Variants in CAMTA1 observed in about 807,000 individuals in gnomAD.
The protein encoded by CAMTA1 is calmodulin binding transcription activator 1.
Under a neutral mutation model 170.9 loss-of-function variants are expected in CAMTA1, and 27 were observed. That is an observed-to-expected ratio of 0.16 (90% confidence interval 0.12 to 0.22). CAMTA1 has a LOEUF of 0.22. Ranked by LOEUF, CAMTA1 falls within the 10% of genes least tolerant of loss-of-function variation. The pLI is 1.00. For synonymous variants in CAMTA1, 833 were observed against 891.5 expected, an observed-to-expected ratio of 0.93 and a Z score of 1.17; for missense variants, 1,619 against 2,217.2, an observed-to-expected ratio of 0.73 and a Z score of 5.42.
intron 5 of CAMTA1, among the ~76,000 whole-genome samples, chr1:7,419,137 C>A (rs2091394343): frequency 6.6e-6 from 1 of 152,162 alleles, no homozygotes; most frequent in Non-Finnish European, 1.5e-5. Flanking sequence ...CCTTCCCGAA[C>A]TTCTTCTTCT....
Position 7,428,706 on chromosome 1 carries a change from C to T in CAMTA1, c.439-39124C>T, listed in dbSNP as rs140815964. ...AGGATGACATCCCCTCTCCCTCATC[C>T]ATCACTCCTTCAAAGCCATGACTGC... On this transcript the variant is annotated intron_variant, in intron 5 of 22. Coordinates refer to ENST00000303635, the MANE Select transcript of CAMTA1 (RefSeq NM_015215.4). Among the ~76,000 whole-genome samples, 1,372 of 152,262 alleles carry T rather than the reference C, an allele frequency of 9.0e-3. 45 individuals carry two copies. Among genetic ancestry groups the T allele is most frequent in the Non-Finnish European group, 5.3e-3 (358 of 68,022 alleles).
At chr1:7,158,083 C>T (rs971964842) in intron 4 of CAMTA1, among the ~76,000 whole-genome samples, 24 of 152,082 alleles carry the variant, frequency 1.6e-4, no homozygotes, top group African/African-American at 5.6e-4. Context: ...GGCGTGAACC[C>T]GGAAGGCGGA....
At chr1:7,342,482 C>T (rs1254291434) in intron 5 of CAMTA1, among the ~76,000 whole-genome samples, 1 of 152,116 alleles carries the variant, frequency 6.6e-6, no homozygotes, top group Non-Finnish European at 1.5e-5. Context: ...AGGAGTGAGA[C>T]TGGGACTGAA....
intron 3 of CAMTA1, among the ~76,000 whole-genome samples, chr1:7,030,924 T>C (rs1455093013): frequency 1.3e-5 from 2 of 150,464 alleles, no homozygotes; most frequent in Non-Finnish European, 3.0e-5. Context: ...AAGCTCCGCC[T>C]CCCGGGTTCA....
intron 1 of CAMTA1, among the ~76,000 whole-genome samples, chr1:6,798,689 C>T (rs879716588): frequency 3.6e-5 from 5 of 137,220 alleles, no homozygotes; most frequent in African/African-American, 5.6e-5. Context: ...CTCCGCTTCC[C>T]GGGTTCACGC....
At chr1:7,235,352 C>T (rs1663622987) in intron 4 of CAMTA1, among the ~76,000 whole-genome samples, 2 of 152,114 alleles carry the variant, frequency 1.3e-5, no homozygotes, top group Non-Finnish European at 2.9e-5. Context: ...TGAGGCCGGG[C>T]GCATGGCTCA....
intron 5 of CAMTA1, among the ~76,000 whole-genome samples, chr1:7,437,781 T>A (rs1429586270): frequency 6.6e-6 from 1 of 152,044 alleles, no homozygotes; most frequent in Non-Finnish European, 1.5e-5. Flanking sequence ...GTGGGGTAAG[T>A]CCCGGGCCAG....
intron 4 of CAMTA1, among the ~76,000 whole-genome samples, chr1:7,243,353 G>A (rs1665225721): frequency 6.6e-6 from 1 of 152,066 alleles, no homozygotes; most frequent in Non-Finnish European, 1.5e-5. Flanking sequence ...GGGTTTTTAT[G>A]GTTTTAGGTC....
rs191276513 is a variant in CAMTA1, at chr1:7,735,953, A to G, written c.3067-391A>G. On this transcript the variant is annotated intron_variant, in intron 12 of 22. Coordinates refer to ENST00000303635, the MANE Select transcript of CAMTA1 (RefSeq NM_015215.4). ...ACGCCTGGCTAATTTTTGTATTTTT[A>G]GTAGAGATGGGGTTAGGGTTAGGGT... 3.3e-5 allele frequency among the ~76,000 whole-genome samples: 5 copies of G among 151,900 alleles called. No homozygotes were observed. In the East Asian group the frequency reaches 9.7e-4, roughly 30 times the overall value.
In CAMTA1 at chr1:7,516,113, C is replaced by T. The variant is rs918586143; in HGVS notation, c.510+48212C>T. Among the ~76,000 whole-genome samples the T allele has an allele frequency of 6.6e-5, 10 of 152,222 alleles. No homozygotes were observed. The South Asian group carries it at 8.3e-4, about 13-fold the overall frequency. ...CGCCTCCATCAGCAAGCCTCCCAGC[C>T]GGCTGGGGAACGTGCGCTGACTTTG... On this transcript the variant is annotated intron_variant, in intron 6 of 22. Transcript: ENST00000303635.
chr1:7,719,645 C>T (rs2096636588), intron 11 of CAMTA1, among the ~76,000 whole-genome samples: 1 of 152,204 alleles, frequency 6.6e-6, no homozygotes. Flanking sequence ...AGTGGTACAG[C>T]TTGTGCCTCA....
chr1:7,049,284 G>A (rs1158015873), intron 3 of CAMTA1, among the ~76,000 whole-genome samples: 1 of 152,134 alleles, frequency 6.6e-6, no homozygotes, highest in Non-Finnish European at 1.5e-5. Flanking sequence ...ATGTTCCTTA[G>A]GAACACCCAG....
intron 5 of CAMTA1, among the ~76,000 whole-genome samples, chr1:7,366,847 A>C (rs1179373169): frequency 6.6e-6 from 1 of 152,190 alleles, no homozygotes; most frequent in Non-Finnish European, 1.5e-5. Flanking sequence ...AAGGGGGAGC[A>C]GCCGATTTCT....
At chr1:7,706,060 A>C (rs1322378031) in intron 11 of CAMTA1, among the ~76,000 whole-genome samples, 1 of 152,222 alleles carries the variant, frequency 6.6e-6, no homozygotes, top group Admixed American at 6.5e-5. Context: ...GCATTTCTCT[A>C]CAAATCAGGT....
In CAMTA1 at chr1:7,580,681, G is replaced by A. The variant is rs1424088559; in HGVS notation, c.511-59719G>A. ...TGGGCACCTGGCCCCGAGGCTGGCT[G>A]TGCCCAGCACTGTGCAAAATCCCTC... On this transcript the variant is annotated intron_variant, in intron 6 of 22. Transcript: ENST00000303635. This position sits in a 1 kb window ranked among gnomAD's most constrained non-coding sequence, Gnocchi z 4.3. Among the ~76,000 whole-genome samples the A allele has an allele frequency of 6.6e-6, 1 of 152,200 alleles. No individual in the cohort carries two copies.
intron 3 of CAMTA1, among the ~76,000 whole-genome samples, chr1:6,917,853 G>T (rs1008542264): frequency 1.1e-4 from 16 of 148,040 alleles, no homozygotes; most frequent in Non-Finnish European, 1.8e-4. Flanking sequence ...ATCGGGGGCG[G>T]GGGGGGACAT....
chr1:6,912,554 T>C (rs940453367), intron 3 of CAMTA1, among the ~76,000 whole-genome samples: 1 of 152,248 alleles, frequency 6.6e-6, no homozygotes, highest in African/African-American at 2.4e-5. Flanking sequence ...GTCTTTCTCA[T>C]GCCATAGTAA....
intron 4 of CAMTA1, among the ~76,000 whole-genome samples, chr1:7,179,684 T>A (rs912790724): frequency 6.6e-6 from 1 of 152,050 alleles, no homozygotes; most frequent in Non-Finnish European, 1.5e-5. Context: ...AATTAAAAAA[T>A]AATCATAATG....
Position 7,049,124 on chromosome 1 carries a change from G to A in CAMTA1, c.235-42180G>A, listed in dbSNP as rs190648251. Among the ~76,000 whole-genome samples, 49 of 152,282 alleles carry A rather than the reference G, an allele frequency of 3.2e-4. No individual in the cohort carries two copies. The East Asian group carries it at 8.9e-3, about 28-fold the overall frequency. On this transcript the variant is annotated intron_variant, in intron 3 of 22. Coordinates refer to ENST00000303635, the MANE Select transcript of CAMTA1 (RefSeq NM_015215.4). The stretch of plus-strand genomic sequence containing the variant: ...CAGCATCAGCCATTCTCCGGACTGC[G>A]AGCTCAGCTTGTTTCAAGTCTGGGG...
Sources: gnomAD v4.1 joint callset for allele counts (sites outside exome capture counted in the v4.1 genomes callset) on GRCh38, gnomAD v4.1.1 for gene constraint, Gnocchi (gnomAD v3.1) non-coding constraint, MANE v1.5 for transcripts, NCBI Gene and HGNC (gene_info 2026-07-23, HGNC 2026-07-21) for gene names.